MIPEP: variants seen among roughly 807,000 people sequenced by gnomAD.
The protein encoded by MIPEP is mitochondrial intermediate peptidase.
A neutral mutation model predicts 90.3 loss-of-function variants in MIPEP; 79 were observed. The observed-to-expected ratio is 0.87, with a 90% CI of 0.73 to 1.05. The LOEUF is 1.05. Ranked by LOEUF, MIPEP falls within the 50% of genes least tolerant of loss-of-function variation. The probability of loss-of-function intolerance (pLI) is 0.00; values close to 1 mark genes in which losing one functional copy is unlikely to be tolerated. For missense variants in MIPEP, 940 were observed against 905.6 expected (o/e 1.04, Z -0.49); for synonymous variants, 334 against 315.8 (o/e 1.06, Z -0.61).
intron 9 of MIPEP, among the ~76,000 whole-genome samples, chr13:23,859,955 C>G (rs1444082244): frequency 6.6e-6 from 1 of 152,230 alleles, no homozygotes; most frequent in Non-Finnish European, 1.5e-5. Flanking sequence ...TCATGAGTGC[C>G]TGAAGGGCAG....
At position 23,837,712 on chromosome 13, in the gene MIPEP, T is replaced by C. The variant is rs771456449; in HGVS notation, c.1383A>G (p.Gly461=). The part of the protein sequence containing the change: ...TIRGGRLKED[G]DYQLPVVVLM... ...GAACTACAACTGGGAGTTGATAGTC[T>C]CCATCTTCCTTTAGTCTGCCTCCAC... The change falls in exon 13 of 19, where the codon GGA becomes GGG. Residue 461 remains glycine (G), a synonymous_variant. Coordinates refer to ENST00000382172, the MANE Select transcript of MIPEP (RefSeq NM_005932.4). 1 of 1,614,092 alleles carries C rather than the reference T, an allele frequency of 6.2e-7. No individual in the cohort carries two copies. Among genetic ancestry groups the C allele is most frequent in the Admixed American group, 1.7e-5 (1 of 60,028 alleles).
At chr13:23,789,768 C>T (rs149755232) in intron 16 of MIPEP, among the ~76,000 whole-genome samples, 8 of 152,306 alleles carry the variant, frequency 5.3e-5, no homozygotes, top group South Asian at 2.1e-4. Context: ...CCTCATCCTA[C>T]GCCCTCGTGC....
chr13:23,804,518 C>A (rs1953083638), intron 16 of MIPEP, among the ~76,000 whole-genome samples: 1 of 152,106 alleles, frequency 6.6e-6, no homozygotes, highest in Non-Finnish European at 1.5e-5. Context: ...TTTTCACTAA[C>A]ACAGATAATC....
At chr13:23,763,928 C>G (rs1167336459) in intron 16 of MIPEP, among the ~76,000 whole-genome samples, 3 of 152,224 alleles carry the variant, frequency 2.0e-5, no homozygotes, top group Non-Finnish European at 4.4e-5. Flanking sequence ...TTGCTGAATT[C>G]CTGCTAATTC....
intron 6 of MIPEP, 104 bp from the exon 7 acceptor site, chr13:23,869,552 G>T: frequency 1.9e-6 from 2 of 1,076,886 alleles, no homozygotes; most frequent in Non-Finnish European, 2.6e-6. Flanking sequence ...GATGATCACT[G>T]CTTTCAAAAT....
intron 1 of MIPEP, among the ~76,000 whole-genome samples, chr13:23,887,610 T>C (rs955839679): frequency 2.6e-5 from 4 of 152,170 alleles, no homozygotes; most frequent in African/African-American, 9.7e-5. Flanking sequence ...TGCCCTTCAT[T>C]TCTTTAACCA....
intron 16 of MIPEP, among the ~76,000 whole-genome samples, chr13:23,787,928 G>A (rs922466031): frequency 2.0e-5 from 3 of 152,130 alleles, no homozygotes; most frequent in Non-Finnish European, 2.9e-5. Flanking sequence ...GTAAAAAAGG[G>A]TCCCTATGAT....
At chr13:23,853,577 C>A (rs1032190784) in intron 10 of MIPEP, among the ~76,000 whole-genome samples, 1 of 129,968 alleles carries the variant, frequency 7.7e-6, no homozygotes, top group African/African-American at 2.9e-5. Context: ...TTTTTTTTTT[C>A]TGAGACAAAG....
Position 23,889,294 on chromosome 13 carries a change from G to T in MIPEP, c.27C>A (p.Gly9=). ...GCAGAGCTGCTGCTCTGGCTCCCAA[G>T]CCGCCCAGCCTTCCGACGCACAGCA... MLCVGRLG[G]LGARAAALPP... is the part of the protein sequence containing the mutation. The change falls in exon 1 of 19, where the codon GGC becomes GGA. Residue 9 remains glycine (G), a synonymous_variant. Coordinates refer to ENST00000382172, the MANE Select transcript of MIPEP (RefSeq NM_005932.4). The T allele has an allele frequency of 7.4e-7, 1 of 1,358,282 alleles. No homozygotes were observed. The highest frequency in any genetic ancestry group is 9.5e-7 in the Non-Finnish European group (1 of 1,053,244). 84.1% of individuals were successfully genotyped at this position (1,358,282 alleles called of 1,614,324 possible).
At chr13:23,781,832 C>A (rs935119860) in intron 16 of MIPEP, among the ~76,000 whole-genome samples, 1 of 152,028 alleles carries the variant, frequency 6.6e-6, no homozygotes, top group Admixed American at 6.6e-5. Context: ...AGACTTTAAA[C>A]CAACAAAGAT....
At chr13:23,754,114 CA>C (rs1952468094) in intron 18 of MIPEP, among the ~76,000 whole-genome samples, 1 of 151,922 alleles carries the variant, frequency 6.6e-6, no homozygotes, top group Non-Finnish European at 1.5e-5. Context: ...AGAATACTGC[CA>C]ACGAGATCCT....
chr13:23,816,071 T>C (rs1953233218), intron 14 of MIPEP, among the ~76,000 whole-genome samples: 1 of 152,228 alleles, frequency 6.6e-6, no homozygotes, highest in African/African-American at 2.4e-5. Context: ...CCTGGTTGCC[T>C]TTAAGGTTTT....
At chr13:23,879,396 TACCTTA>T in intron 3 of MIPEP, 42 bp from the exon 4 acceptor site, 1 of 1,041,874 alleles carries the variant, frequency 9.6e-7, no homozygotes. Flanking sequence ...GATTTTCTAA[TACCTTA>T]TTTTTAACTT....
chr13:23,776,284 GC>G (rs1952715620), intron 16 of MIPEP, among the ~76,000 whole-genome samples: 2 of 152,022 alleles, frequency 1.3e-5, no homozygotes, highest in Non-Finnish European at 2.9e-5. Flanking sequence ...CCAAACAACA[GC>G]CCCTCCCTTC....
intron 15 of MIPEP, among the ~76,000 whole-genome samples, chr13:23,806,831 T>C (rs1281525045): frequency 6.6e-6 from 1 of 152,138 alleles, no homozygotes; most frequent in Non-Finnish European, 1.5e-5. Context: ...TGTTGTTTGG[T>C]TTCCTCCTGG....
chr13:23,732,472 C>A (rs1294448779), intron 18 of MIPEP, among the ~76,000 whole-genome samples: 2 of 152,162 alleles, frequency 1.3e-5, no homozygotes, highest in African/African-American at 4.8e-5. Flanking sequence ...CATATGTCAA[C>A]AAAGAAACAA....
At chr13:23,830,983 G>A (rs1733314471) in intron 14 of MIPEP, among the ~76,000 whole-genome samples, 1 of 152,130 alleles carries the variant, frequency 6.6e-6, no homozygotes, top group South Asian at 2.1e-4. Context: ...TGTAGGGGTG[G>A]AGGAGTTAGT....
At position 23,839,664 on chromosome 13, in the gene MIPEP, T is replaced by C. The variant is rs1566013126; in HGVS notation, c.1323A>G (p.Ala441=). Residue 441 remains alanine, a synonymous_variant, in exon 12 of 19, where the codon GCA becomes GCG. Transcript: ENST00000382172. ...GYIYCDFFQR[A]DKPHQDCHFT... ...AAAGGATCACCTGATGTGGTTTGTC[T>C]GCTCGCTGAAAAAAATCACAGTAAA... 4 of 1,613,180 alleles carry C rather than the reference T, an allele frequency of 2.5e-6. No homozygotes were observed. In the Admixed American group the frequency reaches 6.7e-5, roughly 27 times the overall value.
chr13:23,889,097 C>A, intron 1 of MIPEP, 35 bp downstream of exon 1: 2 of 1,383,062 alleles, frequency 1.4e-6, no homozygotes, highest in Non-Finnish European at 1.9e-6. Context: ...CGGCTTAGCT[C>A]GGGGACTGAG....
Sources: gnomAD v4.1 joint callset for allele counts (sites outside exome capture counted in the v4.1 genomes callset) on GRCh38, gnomAD v4.1.1 for gene constraint, MANE v1.5 for transcripts, NCBI Gene and HGNC (gene_info 2026-07-23, HGNC 2026-07-21) for gene names.